The following RFTN2 variants were observed in gnomAD, a reference collection of about 807,000 sequenced individuals.
RFTN2 encodes raftlin family member 2.
A neutral mutation model predicts 52.7 loss-of-function variants in RFTN2; 34 were observed. The observed-to-expected ratio is 0.64, with a 90% confidence interval of 0.49 to 0.86. The LOEUF (loss-of-function observed/expected upper bound fraction) is 0.86. Ranked by LOEUF, RFTN2 falls within the 40% of genes least tolerant of loss-of-function variation. The probability of loss-of-function intolerance (pLI) is 0.00; values close to 1 mark genes in which losing one functional copy is unlikely to be tolerated. For missense variants in RFTN2, 536 were observed against 600.1 expected, an observed-to-expected ratio of 0.89 and a Z score of 1.12; for synonymous variants, 203 against 217.7, an observed-to-expected ratio of 0.93 and a Z score of 0.59.
intron 8 of RFTN2, among the ~76,000 whole-genome samples, chr2:197,590,132 T>C (rs2087678958): frequency 6.6e-6 from 1 of 151,804 alleles, no homozygotes; most frequent in Non-Finnish European, 1.5e-5. Context: ...CTCACACTCC[T>C]GGATTCAAGT....
chr2:197,657,109 C>T lies in RFTN2; in HGVS notation c.140-10443G>A, dbSNP rs961748345. The stretch of plus-strand genomic sequence containing the variant: ...GAACTCCTGGCCTAAAGTGATCTTC[C>T]TGCCTCGGCCTCCCAAAGGGCTGGG... On this transcript the variant is annotated intron_variant, in intron 1 of 8. Transcript: ENST00000295049. 7.9e-5 allele frequency among the ~76,000 whole-genome samples: 12 copies of T among 152,274 alleles called. No individual in the cohort carries two copies. In the Middle Eastern group the frequency reaches 0.01, roughly 129 times the overall value.
At chr2:197,572,737 A>G (rs1187091767) in intron 8 of RFTN2, among the ~76,000 whole-genome samples, 1 of 152,170 alleles carries the variant, frequency 6.6e-6, no homozygotes, top group African/African-American at 2.4e-5. Flanking sequence ...AGTCACAGTG[A>G]TATGGTTTGG....
chr2:197,588,098 AACAC>A, intron 8 of RFTN2: 1 of 455,210 alleles, frequency 2.2e-6, no homozygotes, highest in Non-Finnish European at 4.5e-6. Context: ...TCATAAAAAT[AACAC>A]ACATTTAATA....
At chr2:197,610,966 C>G (rs1183919184) in intron 7 of RFTN2, among the ~76,000 whole-genome samples, 1 of 152,216 alleles carries the variant, frequency 6.6e-6, no homozygotes, top group East Asian at 1.9e-4. Context: ...ATGAAGCCGA[C>G]TTGATTGTGG....
chr2:197,618,939 C>T (rs1242210593), intron 5 of RFTN2, among the ~76,000 whole-genome samples: 75 of 151,894 alleles, frequency 4.9e-4, no homozygotes, highest in African/African-American at 1.8e-3. Context: ...GCAGCCACCT[C>T]GTCCGGGAGG....
intron 4 of RFTN2, among the ~76,000 whole-genome samples, chr2:197,632,278 G>T (rs1320501768): frequency 2.0e-5 from 3 of 152,166 alleles, no homozygotes; most frequent in Admixed American, 6.6e-5. Context: ...TTGAATTGTA[G>T]TTCCCATAAT....
In RFTN2 at chr2:197,646,675, T is replaced by C; in HGVS notation, c.140-9A>G. 6.2e-7 allele frequency: 1 copy of C among 1,602,276 alleles called. No homozygotes were observed. Among genetic ancestry groups the C allele is most frequent in the South Asian group, 1.1e-5 (1 of 90,292 alleles). Reference sequence around the variant, plus strand: ...TTCTGGGTTTGATGAAGCTGAAATATCAAAAGCAAAGAGAAATTTGCATAT... The same window carrying C: ...TTCTGGGTTTGATGAAGCTGAAATACCAAAAGCAAAGAGAAATTTGCATAT... On this transcript the variant is annotated splice_polypyrimidine_tract_variant and intron_variant, in intron 1 of 8. Transcript: ENST00000295049.
At chr2:197,597,405 A>G (rs1265521434) in intron 7 of RFTN2, among the ~76,000 whole-genome samples, 1 of 152,242 alleles carries the variant, frequency 6.6e-6, no homozygotes, top group Non-Finnish European at 1.5e-5. Context: ...AGTGTGCTGG[A>G]AAAAGCCATG....
intron 5 of RFTN2, among the ~76,000 whole-genome samples, chr2:197,628,274 A>G (rs1470494351): frequency 1.3e-5 from 2 of 152,180 alleles, no homozygotes; most frequent in East Asian, 3.8e-4. Flanking sequence ...GGGGCTTGCC[A>G]TAGCCTGCAA....
chr2:197,613,273 C>T (rs1351710174), intron 7 of RFTN2, among the ~76,000 whole-genome samples: 2 of 152,176 alleles, frequency 1.3e-5, no homozygotes, highest in African/African-American at 2.4e-5. Flanking sequence ...GCTTAATATG[C>T]CCAGGCCCTG....
chr2:197,588,295 C>T (rs1009821475), intron 8 of RFTN2, among the ~76,000 whole-genome samples: 2 of 152,174 alleles, frequency 1.3e-5, no homozygotes, highest in Non-Finnish European at 2.9e-5. Context: ...GATGGAGTTT[C>T]ACTCTGTCTT....
intron 8 of RFTN2, among the ~76,000 whole-genome samples, chr2:197,585,266 G>C (rs2087577304): frequency 6.6e-6 from 1 of 151,996 alleles, no homozygotes; most frequent in African/African-American, 2.4e-5. Context: ...CTCACTATTT[G>C]GACTGCACCC....
At chr2:197,586,450 A>C (rs2087599718) in intron 8 of RFTN2, among the ~76,000 whole-genome samples, 2 of 152,094 alleles carry the variant, frequency 1.3e-5, no homozygotes, top group Admixed American at 1.3e-4. Context: ...TGCTTTATAC[A>C]AGGTCTCTTC....
chr2:197,652,268 A>ATCCCC (rs551188494), intron 1 of RFTN2, among the ~76,000 whole-genome samples: 9 of 152,128 alleles, frequency 5.9e-5, no homozygotes, highest in Non-Finnish European at 1.2e-4. Flanking sequence ...AAAACTTTCC[A>ATCCCC]TTGGTAGCCT....
chr2:197,659,107 T>C (rs2088936470), intron 1 of RFTN2, among the ~76,000 whole-genome samples: 2 of 152,154 alleles, frequency 1.3e-5, no homozygotes, highest in African/African-American at 4.8e-5. Flanking sequence ...TGCTAAAAGT[T>C]TTGCTCTGAT....
At chr2:197,665,794 G>C (rs975808433) in intron 1 of RFTN2, among the ~76,000 whole-genome samples, 1 of 142,566 alleles carries the variant, frequency 7.0e-6, no homozygotes, top group African/African-American at 2.5e-5. Flanking sequence ...GTGAGTTTTT[G>C]TTCCTATCAT....
intron 8 of RFTN2, among the ~76,000 whole-genome samples, chr2:197,593,884 CAAA>C (rs534731223): frequency 8.2e-5 from 5 of 60,858 alleles, no homozygotes; most frequent in Non-Finnish European, 1.3e-4. Context: ...GACTCCATCT[CAAA>C]AAAAAAAAAA....
At chr2:197,605,645 T>A (rs1468458186) in intron 7 of RFTN2, among the ~76,000 whole-genome samples, 3 of 152,220 alleles carry the variant, frequency 2.0e-5, no homozygotes, top group African/African-American at 7.2e-5. Context: ...TAATCTGTGG[T>A]ATTCATACTG....
At chr2:197,617,778 T>C (rs771692598) in intron 6 of RFTN2, 22 bp downstream of exon 6, 2 of 1,294,174 alleles carry the variant, frequency 1.5e-6, no homozygotes, top group South Asian at 4.1e-5. Context: ...TAAAGCTAAA[T>C]TGTCAGAAAA....
Sources: allele counts gnomAD v4.1 joint callset (sites outside exome capture counted in the v4.1 genomes callset), GRCh38; gene constraint gnomAD v4.1.1; transcripts MANE v1.5; gene names NCBI Gene and HGNC (gene_info 2026-07-23, HGNC 2026-07-21).